CCDC3: variants seen among roughly 807,000 people sequenced by gnomAD.
CCDC3 encodes the protein coiled-coil domain containing 3, also known as coiled-coil domain-containing protein 3.
CCDC3 carries 24 observed loss-of-function variants against 21.4 expected under a neutral mutation model. The observed-to-expected ratio is 1.12, with a 90% CI of 0.81 to 1.58. CCDC3 has a LOEUF of 1.58. Ranked by LOEUF, CCDC3 falls within the 40% of genes most tolerant of loss-of-function variation. The probability of loss-of-function intolerance (pLI) is 0.00; values close to 1 mark genes in which losing one functional copy is unlikely to be tolerated. For missense variants in CCDC3, 425 were observed against 360.9 expected, an observed-to-expected ratio of 1.18 and a Z score of -1.44; for synonymous variants, 186 against 166.0, an observed-to-expected ratio of 1.12 and a Z score of -0.93.
In CCDC3 at chr10:12,998,468, T is replaced by C; in HGVS notation, c.419A>G (p.Gln140Arg). The C allele has an allele frequency of 6.2e-7, 1 of 1,614,144 alleles. No homozygotes were observed. Among genetic ancestry groups the C allele is most frequent in the Non-Finnish European group, 8.5e-7 (1 of 1,180,018 alleles). The change falls in exon 2 of 3, where the codon CAA becomes CGA. Residue 140 changes from glutamine (Q) to arginine (R), a missense_variant. Physicochemically the swap from Gln to Arg is conservative, Grantham distance 43. Transcript: ENST00000378825. ...YNLLPHGVNF[Q>R]DAIFPDTQEN... ...TTGAGTGTCTGGGAAGATGGCATCT[T>C]GGAAATTGACTCCGTGAGGCAAGAG... is the stretch of plus-strand genomic sequence containing the variant.
In CCDC3 at chr10:13,079,604, G is replaced by A. The variant is rs370758197; in HGVS notation, c.-502-5504C>T. Among the ~76,000 whole-genome samples, 10 of 152,334 alleles carry A rather than the reference G, an allele frequency of 6.6e-5. 1 individual carries two copies. The highest frequency in any genetic ancestry group is 2.0e-4 in the Admixed American group (3 of 15,308). ...CGGGGTTGGGGGGAGAATGGGGGTGGCGGTGAAGTATTCCTTAGACAGAAT... is the reference window on the plus strand; with the variant it reads ...CGGGGTTGGGGGGAGAATGGGGGTGACGGTGAAGTATTCCTTAGACAGAAT... On this transcript the variant is annotated intron_variant, in intron 3 of 6. Coordinates refer to the CCDC3 transcript ENST00000378839.
At chr10:12,943,957 A>C (rs1834876199) in intron 2 of CCDC3, among the ~76,000 whole-genome samples, 1 of 152,166 alleles carries the variant, frequency 6.6e-6, no homozygotes, top group Non-Finnish European at 1.5e-5. Context: ...GGGAAGGGAC[A>C]GGTTCCACTG....
At position 13,010,593 on chromosome 10, in the gene CCDC3, C is replaced by T. The variant is rs145791397; in HGVS notation, c.-1-12081G>A. On this transcript the variant is annotated intron_variant, in intron 5 of 6. Coordinates refer to the CCDC3 transcript ENST00000378839. ...TTAAAAAGTTAAACATATGATTAAG[C>T]CATTCCACTCCTAGGGATATACTAG... Among the ~76,000 whole-genome samples, 21 of 152,270 alleles carry T rather than the reference C, an allele frequency of 1.4e-4. 1 individual carries two copies. The Middle Eastern group carries it at 0.01, about 74-fold the overall frequency.
intron 4 of CCDC3, among the ~76,000 whole-genome samples, chr10:13,053,391 A>G (rs915570532): frequency 1.3e-5 from 2 of 152,066 alleles, no homozygotes; most frequent in African/African-American, 4.8e-5. Flanking sequence ...CAACATAGTG[A>G]GACCCCATCT....
At chr10:12,952,851 G>A (rs1039479983) in intron 2 of CCDC3, among the ~76,000 whole-genome samples, 1 of 152,120 alleles carries the variant, frequency 6.6e-6, no homozygotes, top group Non-Finnish European at 1.5e-5. Flanking sequence ...GGTTACCACT[G>A]TACCATGTGC....
At chr10:12,911,643 C>T (rs7909672) in intron 2 of CCDC3, among the ~76,000 whole-genome samples, 20,862 of 152,162 alleles carry the variant, frequency 0.14, 1,796 homozygotes, top group East Asian at 0.29. Context: ...AACGATGTAT[C>T]ACCTCACATA....
intron 4 of CCDC3, among the ~76,000 whole-genome samples, chr10:13,055,804 TAC>T (rs1189983285): frequency 5.3e-5 from 8 of 152,240 alleles, no homozygotes; most frequent in Non-Finnish European, 1.0e-4. Context: ...GACCACATGC[TAC>T]AGTCTCTCTT....
At position 13,089,496 on chromosome 10, in the gene CCDC3, T is replaced by G. The variant is rs142151306; in HGVS notation, c.-503+9029A>C. 1.4e-3 allele frequency among the ~76,000 whole-genome samples: 208 copies of G among 152,146 alleles called. 1 individual carries two copies. The highest frequency in any genetic ancestry group is 4.6e-3 in the African/African-American group (189 of 41,490). On this transcript the variant is annotated intron_variant, in intron 3 of 6. Coordinates refer to the CCDC3 transcript ENST00000378839. ...CGGGGTACTCTGGCCCCGGACACCTTCAATGCCCTCTCCTTCCTGATACTT... is the reference window on the plus strand; with the variant it reads ...CGGGGTACTCTGGCCCCGGACACCTGCAATGCCCTCTCCTTCCTGATACTT...
At chr10:12,934,045 ATCTT>A (rs1834695563) in intron 2 of CCDC3, among the ~76,000 whole-genome samples, 1 of 152,026 alleles carries the variant, frequency 6.6e-6, no homozygotes, top group Non-Finnish European at 1.5e-5. Context: ...CTGATATTAG[ATCTT>A]TCTTCTTTCC....
chr10:13,036,621 A>G (rs1279479640), intron 5 of CCDC3, among the ~76,000 whole-genome samples: 3 of 152,072 alleles, frequency 2.0e-5, no homozygotes, highest in Non-Finnish European at 2.9e-5. Flanking sequence ...AGTAGCTGGG[A>G]CGACAGGTGC....
intron 5 of CCDC3, among the ~76,000 whole-genome samples, chr10:13,033,472 A>G (rs1836332682): frequency 6.6e-6 from 1 of 152,202 alleles, no homozygotes; most frequent in Non-Finnish European, 1.5e-5. Context: ...AATGGCAACA[A>G]AAGACAAAAT....
At chr10:13,011,039 G>A (rs1014667714) in intron 5 of CCDC3, among the ~76,000 whole-genome samples, 3 of 152,082 alleles carry the variant, frequency 2.0e-5, no homozygotes, top group Non-Finnish European at 4.4e-5. Context: ...AATTAGCTGG[G>A]CCGCGGTGGT....
chr10:13,034,744 G>A (rs1245108170), intron 5 of CCDC3, among the ~76,000 whole-genome samples: 2 of 149,586 alleles, frequency 1.3e-5, no homozygotes, highest in Non-Finnish European at 3.0e-5. Flanking sequence ...CAGGTCTGGC[G>A]CTGGGTGCGG....
intron 5 of CCDC3, among the ~76,000 whole-genome samples, chr10:13,035,313 C>T (rs1836364704): frequency 6.6e-6 from 1 of 151,766 alleles, no homozygotes; most frequent in Non-Finnish European, 1.5e-5. Flanking sequence ...CTTTTGGGCT[C>T]GACTGCAGTG....
At chr10:13,061,179 A>G (rs903349263) in intron 4 of CCDC3, among the ~76,000 whole-genome samples, 1 of 152,216 alleles carries the variant, frequency 6.6e-6, no homozygotes, top group Non-Finnish European at 1.5e-5. Context: ...ATGAGTATAA[A>G]TTATGGATTT....
chr10:13,024,801 C>G (rs1435262752), intron 5 of CCDC3, among the ~76,000 whole-genome samples: 1 of 152,166 alleles, frequency 6.6e-6, no homozygotes, highest in East Asian at 1.9e-4. Context: ...GGTATGTTTT[C>G]TATTTCCCAT....
At position 12,997,595 on chromosome 10, in the gene CCDC3, A is replaced by G. The variant is rs78791451; in HGVS notation, c.549+743T>C. Reference sequence around the variant, plus strand: ...GTCTTACCAACTATAGTTAAGAATCACAGAAGTGGTAGCTATGATAGCAAT... The same window carrying G: ...GTCTTACCAACTATAGTTAAGAATCGCAGAAGTGGTAGCTATGATAGCAAT... On this transcript the variant is annotated intron_variant, in intron 2 of 2. Transcript: ENST00000378825. Among the ~76,000 whole-genome samples the G allele has an allele frequency of 2.1e-3, 319 of 152,312 alleles. 14 individuals are homozygous for G. In the East Asian group the frequency reaches 0.053, roughly 25 times the overall value.
At chr10:12,991,779 C>A (rs1165760378) in intron 2 of CCDC3, among the ~76,000 whole-genome samples, 1 of 152,200 alleles carries the variant, frequency 6.6e-6, no homozygotes, top group East Asian at 1.9e-4. Flanking sequence ...CAAAACCTTA[C>A]CTACCTGAAC....
intron 2 of CCDC3, among the ~76,000 whole-genome samples, chr10:12,970,460 A>C (rs1489868065): frequency 6.6e-6 from 1 of 152,224 alleles, no homozygotes; most frequent in East Asian, 1.9e-4. Flanking sequence ...ACCCCAAAAA[A>C]ATAAGTTTGT....
Sources: allele counts gnomAD v4.1 joint callset (sites outside exome capture counted in the v4.1 genomes callset), GRCh38; gene constraint gnomAD v4.1.1; transcripts MANE v1.5; gene names NCBI Gene and HGNC (gene_info 2026-07-23, HGNC 2026-07-21).